The following CDK5RAP2 variants were observed in gnomAD, a reference collection of about 807,000 sequenced individuals.
CDK5RAP2 encodes CDK5 regulatory subunit associated protein 2, also known as CDK5 regulatory subunit-associated protein 2.
A neutral mutation model predicts 232.9 loss-of-function variants in CDK5RAP2; 147 were observed. The ratio of observed to expected loss-of-function variants is 0.63; its 90% CI spans 0.55 to 0.72. CDK5RAP2 has a LOEUF of 0.72. Ranked by LOEUF, CDK5RAP2 falls within the 30% of genes least tolerant of loss-of-function variation. The pLI is 0.00. For missense variants in CDK5RAP2, 2,195 were observed against 2,231.5 expected (o/e 0.98, Z 0.33); for synonymous variants, 833 against 833.7 (o/e 1.00, Z 0.01).
At chr9:120,411,853 C>T (rs747653762) in intron 28 of CDK5RAP2, among the ~76,000 whole-genome samples, 13 of 152,184 alleles carry the variant, frequency 8.5e-5, no homozygotes, top group Non-Finnish European at 1.3e-4. Context: ...ACTCCTTATC[C>T]TTCCAAACCT....
At chr9:120,395,637 G>A (rs2032401137) in intron 35 of CDK5RAP2, among the ~76,000 whole-genome samples, 1 of 152,256 alleles carries the variant, frequency 6.6e-6, no homozygotes, top group South Asian at 2.1e-4. Context: ...AGGAGAGCTG[G>A]TGAGTTGTCA....
In CDK5RAP2 at chr9:120,507,543, G is replaced by A. The variant is rs377591259; in HGVS notation, c.1311+10884C>T. 2.7e-3 allele frequency among the ~76,000 whole-genome samples: 417 copies of A among 152,210 alleles called. 1 individual carries two copies. Among genetic ancestry groups the A allele is most frequent in the Middle Eastern group, 0.014 (4 of 294 alleles). ...GGATATCAGTACCCTCTAACTACATGTTCTTGGGCCTTCCTCTAGAAATTG... is the reference window on the plus strand; with the variant it reads ...GGATATCAGTACCCTCTAACTACATATTCTTGGGCCTTCCTCTAGAAATTG... On this transcript the variant is annotated intron_variant, in intron 12 of 37. Coordinates refer to ENST00000349780, the MANE Select transcript of CDK5RAP2 (RefSeq NM_018249.6).
chr9:120,579,985 A>T lies in CDK5RAP2; in HGVS notation c.-7T>A. On this transcript the variant is annotated 5_prime_UTR_variant, in exon 1 of 38. Transcript: ENST00000349780. Reference sequence around the variant, plus strand: ...CCAACACCAAGTCCATCATGGCTACAGAGGTGGCGACAGCGTTGGTGTCTG... The same window carrying T: ...CCAACACCAAGTCCATCATGGCTACTGAGGTGGCGACAGCGTTGGTGTCTG... 1 of 1,601,224 alleles carries T rather than the reference A, an allele frequency of 6.2e-7. No individual in the cohort carries two copies. The highest frequency in any genetic ancestry group is 8.6e-7 in the Non-Finnish European group (1 of 1,168,552).
chr9:120,501,062 T>C (rs2039551867), intron 12 of CDK5RAP2, among the ~76,000 whole-genome samples: 1 of 152,200 alleles, frequency 6.6e-6, no homozygotes, highest in African/African-American at 2.4e-5. Flanking sequence ...GCTAGACACT[T>C]TCATAATGAG....
intron 12 of CDK5RAP2, among the ~76,000 whole-genome samples, chr9:120,511,029 A>G (rs1479272813): frequency 2.0e-5 from 3 of 152,234 alleles, no homozygotes; most frequent in African/African-American, 7.2e-5. Context: ...ACAGGCAATT[A>G]AAACAAACAA....
intron 12 of CDK5RAP2, among the ~76,000 whole-genome samples, chr9:120,512,813 C>T (rs1192813154): frequency 2.0e-5 from 3 of 152,144 alleles, no homozygotes; most frequent in Non-Finnish European, 4.4e-5. Context: ...ATTTTCTATG[C>T]CCAAACCCAG....
rs188451186 is a variant in CDK5RAP2, at chr9:120,538,890, C to G, written c.507+151G>C. 3.0e-4 allele frequency: 254 copies of G among 851,382 alleles called. 1 individual carries two copies. Among genetic ancestry groups the G allele is most frequent in the South Asian group, 1.4e-3 (102 of 71,702 alleles). The allele number at this position is 851,382 out of a possible 1,614,324, so 52.7% of individuals were successfully genotyped here. On this transcript the variant is annotated intron_variant, in intron 6 of 37. Transcript: ENST00000349780. ...GTTATAAATTATACATATAAAATGCCTGAAATGGGGCTACAATCCAGGAGA... is the reference window on the plus strand; with the variant it reads ...GTTATAAATTATACATATAAAATGCGTGAAATGGGGCTACAATCCAGGAGA...
chr9:120,579,626 C>T (rs566835968), intron 1 of CDK5RAP2, among the ~76,000 whole-genome samples: 3 of 152,340 alleles, frequency 2.0e-5, no homozygotes, highest in African/African-American at 4.8e-5. Context: ...TAACGGGATA[C>T]TCCAAGTGGC....
chr9:120,502,738 T>C (rs766112086), intron 12 of CDK5RAP2, among the ~76,000 whole-genome samples: 4 of 152,230 alleles, frequency 2.6e-5, no homozygotes, highest in Non-Finnish European at 5.9e-5. Context: ...AGGGATCCTA[T>C]GCAAATTTGT....
chr9:120,507,292 C>G (rs1008044075), intron 12 of CDK5RAP2, among the ~76,000 whole-genome samples: 1 of 152,170 alleles, frequency 6.6e-6, no homozygotes, highest in Non-Finnish European at 1.5e-5. Context: ...TCGCTTTATT[C>G]CAATCCCTAA....
intron 2 of CDK5RAP2, among the ~76,000 whole-genome samples, chr9:120,570,062 G>A (rs2132190762): frequency 6.6e-6 from 1 of 152,270 alleles, no homozygotes; most frequent in Non-Finnish European, 1.5e-5. Context: ...CTTAAAGAGG[G>A]AGCAAGGAGG....
chr9:120,568,492 C>G (rs1009133071), intron 2 of CDK5RAP2, 104 bp from the exon 3 acceptor site: 12 of 837,246 alleles, frequency 1.4e-5, no homozygotes, highest in Non-Finnish European at 2.3e-5. Flanking sequence ...ACTGCTTCCA[C>G]AGTACACGCG....
intron 14 of CDK5RAP2, among the ~76,000 whole-genome samples, chr9:120,486,937 TG>T (rs1329815516): frequency 6.6e-6 from 1 of 152,192 alleles, no homozygotes; most frequent in East Asian, 1.9e-4. Flanking sequence ...AAACTTGATT[TG>T]GGGCCAGATA....
At chr9:120,510,374 A>T (rs2131779938) in intron 12 of CDK5RAP2, among the ~76,000 whole-genome samples, 1 of 152,320 alleles carries the variant, frequency 6.6e-6, no homozygotes, top group African/African-American at 2.4e-5. Context: ...AACAGATGAA[A>T]GCATTCTGAA....
intron 20 of CDK5RAP2, among the ~76,000 whole-genome samples, chr9:120,455,033 A>C (rs898016260): frequency 1.3e-5 from 2 of 152,200 alleles, no homozygotes; most frequent in Non-Finnish European, 2.9e-5. Context: ...GCTCGGGTGG[A>C]GTAACTCAAG....
At chr9:120,563,473 G>A (rs1023747297) in intron 3 of CDK5RAP2, among the ~76,000 whole-genome samples, 4 of 152,176 alleles carry the variant, frequency 2.6e-5, no homozygotes, top group Non-Finnish European at 2.9e-5. Flanking sequence ...TGTAGTCAAC[G>A]GAATCTTTGG....
chr9:120,438,125 T>C (rs2035693251), intron 24 of CDK5RAP2, among the ~76,000 whole-genome samples: 2 of 152,226 alleles, frequency 1.3e-5, no homozygotes, highest in African/African-American at 4.8e-5. Context: ...GTAAAGATTT[T>C]GGATTCAAAC....
intron 11 of CDK5RAP2, among the ~76,000 whole-genome samples, chr9:120,520,377 C>T (rs1197644236): frequency 6.6e-6 from 1 of 152,096 alleles, no homozygotes; most frequent in African/African-American, 2.4e-5. Flanking sequence ...CGTGATGGCT[C>T]ACTCCTGTAA....
intron 3 of CDK5RAP2, among the ~76,000 whole-genome samples, chr9:120,555,142 G>A (rs934704099): frequency 6.7e-6 from 1 of 149,814 alleles, no homozygotes; most frequent in East Asian, 2.0e-4. Flanking sequence ...TTTTGGGGGG[G>A]GGTGGGGGGC....
Sources: gnomAD v4.1 joint callset for allele counts (sites outside exome capture counted in the v4.1 genomes callset) on GRCh38, gnomAD v4.1.1 for gene constraint, MANE v1.5 for transcripts, NCBI Gene and HGNC (gene_info 2026-07-23, HGNC 2026-07-21) for gene names.